NFAT5: variants seen among roughly 807,000 people sequenced by gnomAD.
The protein encoded by NFAT5 is nuclear factor of activated T-cells 5.
Under a neutral mutation model 166.5 loss-of-function variants are expected in NFAT5, and 31 were observed. The ratio of observed to expected loss-of-function variants is 0.19; its 90% confidence interval spans 0.14 to 0.25. The LOEUF (loss-of-function observed/expected upper bound fraction) is 0.25. Among genes scored for constraint, NFAT5 ranks in the 10% least tolerant of loss-of-function variants. The pLI, the probability that NFAT5 is intolerant of heterozygous loss-of-function variation, is 1.00. For missense variants in NFAT5, 1,449 were observed against 1,821.8 expected (o/e 0.80, Z 3.72); for synonymous variants, 612 against 639.7 (o/e 0.96, Z 0.65).
chr16:69,655,949 A>G, intron 6 of NFAT5, 150 bp downstream of exon 6: 1 of 619,674 alleles, frequency 1.6e-6, no homozygotes. Flanking sequence ...CAGAATGGTA[A>G]TGGGTTAAAA....
intron 2 of NFAT5, among the ~76,000 whole-genome samples, chr16:69,612,830 G>A (rs760973359): frequency 6.6e-6 from 1 of 151,454 alleles, no homozygotes; most frequent in South Asian, 2.1e-4. Flanking sequence ...AGCTGTGATC[G>A]TGTCACTGGG....
chr16:69,606,146 A>T (rs2033395844), intron 2 of NFAT5, among the ~76,000 whole-genome samples: 1 of 152,184 alleles, frequency 6.6e-6, no homozygotes, highest in Non-Finnish European at 1.5e-5. Flanking sequence ...CTATATGATC[A>T]AGAAAGTTGG....
chr16:69,626,309 C>A, intron 2 of NFAT5, 94 bp from the exon 3 acceptor site: 1 of 1,163,788 alleles, frequency 8.6e-7, no homozygotes, highest in Non-Finnish European at 1.2e-6. Flanking sequence ...CAGTTCTCCT[C>A]ATGAGAGAAA....
At chr16:69,680,196 T>A (rs980237486) in intron 10 of NFAT5, among the ~76,000 whole-genome samples, 6 of 152,208 alleles carry the variant, frequency 3.9e-5, no homozygotes, top group Non-Finnish European at 5.9e-5. Context: ...CATTTAATGT[T>A]TGGCAGGAGC....
chr16:69,673,699 G>A (rs1335106294), intron 9 of NFAT5, among the ~76,000 whole-genome samples: 1 of 151,952 alleles, frequency 6.6e-6, no homozygotes, highest in African/African-American at 2.4e-5. Flanking sequence ...CTTCCACGTG[G>A]GTGACAGTGA....
chr16:69,571,129 T>TAAAAAAAAAAA lies in NFAT5; in HGVS notation c.127+2599_127+2609dup, dbSNP rs56221116. ...TAACATGGTGAAACCCCATCTCTAC[T>TAAAAAAAAAAA]AAAAAAAAAAAAAAAAAAAAAAAAA... On this transcript the variant is annotated intron_variant, in intron 2 of 14. Coordinates refer to ENST00000349945, the MANE Select transcript of NFAT5 (RefSeq NM_138713.4). 4.5e-4 allele frequency among the ~76,000 whole-genome samples: 14 copies of TAAAAAAAAAAA among 31,378 alleles called. 3 individuals carry two copies. The highest frequency in any genetic ancestry group is 1.0e-3 in the African/African-American group (13 of 12,570). 20.6% of individuals were successfully genotyped at this position (31,378 alleles called of 152,430 possible). A position where few individuals can be genotyped will look rare whatever the true frequency, so the allele number is the denominator to read the frequency against.
chr16:69,601,728 A>G (rs1335415070), intron 2 of NFAT5, among the ~76,000 whole-genome samples: 2 of 152,188 alleles, frequency 1.3e-5, no homozygotes, highest in Admixed American at 6.5e-5. Flanking sequence ...GTGATGGACT[A>G]TTATTTCATT....
intron 5 of NFAT5, among the ~76,000 whole-genome samples, chr16:69,654,651 A>G (rs1461230146): frequency 6.6e-6 from 1 of 152,256 alleles, no homozygotes; most frequent in Non-Finnish European, 1.5e-5. Context: ...ATGATAGGGA[A>G]TGAATTGACC....
chr16:69,654,201 C>T (rs894980840), intron 5 of NFAT5, among the ~76,000 whole-genome samples: 2 of 152,086 alleles, frequency 1.3e-5, no homozygotes, highest in Non-Finnish European at 2.9e-5. Flanking sequence ...GTCCCTACCC[C>T]TTGCTAAATA....
chr16:69,655,516 A>T, intron 5 of NFAT5, 93 bp from the exon 6 acceptor site: 1 of 944,738 alleles, frequency 1.1e-6, no homozygotes, highest in South Asian at 3.4e-5. Context: ...TAATTCAGTT[A>T]CAAGTATAGG....
chr16:69,574,572 A>G (rs1249015767), intron 2 of NFAT5, among the ~76,000 whole-genome samples: 1 of 152,196 alleles, frequency 6.6e-6, no homozygotes, highest in African/African-American at 2.4e-5. Context: ...AATAAAGGAT[A>G]TATATATTTA....
chr16:69,576,449 C>T (rs2016758255), intron 2 of NFAT5, among the ~76,000 whole-genome samples: 1 of 152,012 alleles, frequency 6.6e-6, no homozygotes, highest in Non-Finnish European at 1.5e-5. Flanking sequence ...TTATAAACTA[C>T]ATACAAAAAT....
At chr16:69,682,037 C>A (rs1323101479) in intron 10 of NFAT5, among the ~76,000 whole-genome samples, 3 of 152,080 alleles carry the variant, frequency 2.0e-5, no homozygotes, top group Non-Finnish European at 4.4e-5. Flanking sequence ...ACACATTCTT[C>A]CAGGTACAGA....
At chr16:69,599,365 T>A (rs532197469) in intron 2 of NFAT5, among the ~76,000 whole-genome samples, 2 of 152,132 alleles carry the variant, frequency 1.3e-5, no homozygotes, top group African/African-American at 2.4e-5. Flanking sequence ...TCACCTGAGG[T>A]CAGGAGTTTG....
In NFAT5 at chr16:69,566,351, C is replaced by T; in HGVS notation, c.50C>T (p.Ser17Leu). The T allele has an allele frequency of 6.2e-7, 1 of 1,607,952 alleles. No homozygotes were observed. The highest frequency in any genetic ancestry group is 8.5e-7 in the Non-Finnish European group (1 of 1,178,140). ...CTCAGCGCGGACCTAGACCTGGAAT[C>T]GCCCAAGTCCCTCTACTCGCGAGGT... is the stretch of plus-strand genomic sequence containing the variant. ...SLLSADLDLE[S>L]PKSLYSRDSL... is the part of the protein sequence containing the mutation. Residue 17 changes from serine (S) to leucine (L), a missense_variant, in exon 1 of 15, where the codon TCG becomes TTG. Ser to Leu is a moderately radical substitution (Grantham distance 145, BLOSUM62 -2). This residue lies in a region of NFAT5 where 172 missense variants were observed against 194.5 expected (regional missense o/e 0.88). Transcript: ENST00000349945. The surrounding 1 kb of genome is among the most constrained non-coding windows in gnomAD (Gnocchi z 5.7).
At chr16:69,684,855 G>A (rs1442548541) in intron 10 of NFAT5, 32 bp from the exon 11 acceptor site, 1 of 1,434,184 alleles carries the variant, frequency 7.0e-7, no homozygotes, top group Non-Finnish European at 9.6e-7. Context: ...ATGAGTAAAT[G>A]TAGATAAATA....
At chr16:69,632,816 T>G (rs1288901791) in intron 3 of NFAT5, among the ~76,000 whole-genome samples, 3 of 152,186 alleles carry the variant, frequency 2.0e-5, no homozygotes, top group South Asian at 2.1e-4. Context: ...TAAAATGTTG[T>G]GAGTTGATCT....
Position 69,647,578 on chromosome 16 carries a change from G to T in NFAT5, c.804G>T (p.Ala268=). ...CGGACAACAAAGGCAACTCAAAAGC[G>T]GGAAATGGGTTGGTATTCACATTTT... The part of the protein sequence containing the change: ...LTTDNKGNSK[A]GNGTLENQKG... Residue 268 remains alanine (A), a synonymous_variant, in exon 4 of 15, where the codon GCG becomes GCT. Transcript: ENST00000349945. This position sits in a 1 kb window ranked among gnomAD's most constrained non-coding sequence, Gnocchi z 4.8. 3 of 1,571,132 alleles carry T rather than the reference G, an allele frequency of 1.9e-6. No homozygotes were observed. The South Asian group carries it at 3.4e-5, about 18-fold the overall frequency.
In NFAT5 at chr16:69,608,106, G is replaced by GGTGGCTC. The variant is rs1195331455; in HGVS notation, c.128-18297_128-18296insGTGGCTC. ...ACGGTGGCTCACGCCTGTAATCCCAGCACTTTGGGAGGCCAAAGTGGGCAG... is the reference window on the plus strand; with the variant it reads ...ACGGTGGCTCACGCCTGTAATCCCAGGTGGCTCCACTTTGGGAGGCCAAAGTGGGCAG... On this transcript the variant is annotated intron_variant, in intron 2 of 14. Transcript: ENST00000349945. Among the ~76,000 whole-genome samples, 212 of 152,072 alleles carry GGTGGCTC rather than the reference G, an allele frequency of 1.4e-3. 1 individual carries two copies. Among genetic ancestry groups the GGTGGCTC allele is most frequent in the African/African-American group, 4.2e-3 (173 of 41,474 alleles).
Sources: gnomAD v4.1 joint callset for allele counts (sites outside exome capture counted in the v4.1 genomes callset) on GRCh38, gnomAD v4.1.1 for gene constraint, gnomAD v4.1.1 regional missense constraint, Gnocchi (gnomAD v3.1) non-coding constraint, MANE v1.5 for transcripts, NCBI Gene and HGNC (gene_info 2026-07-23, HGNC 2026-07-21) for gene names.